RAB28: variants seen among roughly 807,000 people sequenced by gnomAD.
RAB28 encodes the protein RAB28, member RAS oncogene family, also known as ras-related protein Rab-28.
Under a neutral mutation model 31.7 loss-of-function variants are expected in RAB28, and 24 were observed. The ratio of observed to expected loss-of-function variants is 0.76; its 90% CI spans 0.55 to 1.06. The LOEUF (loss-of-function observed/expected upper bound fraction) is 1.06, where lower values mean the gene tolerates loss of function less well. Ranked by LOEUF, RAB28 falls within the 50% of genes least tolerant of loss-of-function variation. The probability of loss-of-function intolerance (pLI) is 0.00; values close to 1 mark genes in which losing one functional copy is unlikely to be tolerated. For missense variants in RAB28, 254 were observed against 258.5 expected, an observed-to-expected ratio of 0.98 and a Z score of 0.12; for synonymous variants, 100 against 90.4, an observed-to-expected ratio of 1.11 and a Z score of -0.60.
At chr4:13,387,224 A>G (rs749515463) in intron 4 of RAB28, among the ~76,000 whole-genome samples, 10 of 152,110 alleles carry the variant, frequency 6.6e-5, no homozygotes. Flanking sequence ...ACAAACCTGC[A>G]TATGTATCCA....
At chr4:13,483,828 C>T (rs1287446150) in intron 1 of RAB28, among the ~76,000 whole-genome samples, 1 of 152,240 alleles carries the variant, frequency 6.6e-6, no homozygotes, top group African/African-American at 2.4e-5. Context: ...TGGCCCGAGT[C>T]TTGCAGGAGT....
intron 4 of RAB28, among the ~76,000 whole-genome samples, chr4:13,399,988 T>A (rs891858213): frequency 1.3e-5 from 2 of 152,204 alleles, no homozygotes; most frequent in African/African-American, 4.8e-5. Flanking sequence ...ATTTTTTTAT[T>A]CTGTAAAGTT....
chr4:13,393,665 A>G (rs923348906), intron 4 of RAB28, among the ~76,000 whole-genome samples: 4 of 151,884 alleles, frequency 2.6e-5, no homozygotes, highest in African/African-American at 7.3e-5. Context: ...TCTGATTATG[A>G]CATTTTCTTC....
chr4:13,423,038 T>C (rs770590592), intron 4 of RAB28, among the ~76,000 whole-genome samples: 13 of 152,194 alleles, frequency 8.5e-5, no homozygotes, highest in Non-Finnish European at 1.3e-4. Flanking sequence ...AAGTATAGTG[T>C]CTGCGACTTA....
At chr4:13,475,801 T>A (rs1016047648) in intron 2 of RAB28, among the ~76,000 whole-genome samples, 1 of 151,582 alleles carries the variant, frequency 6.6e-6, no homozygotes, top group Non-Finnish European at 1.5e-5. Context: ...CAAAAACTTG[T>A]ACAAATCGAA....
chr4:13,401,106 G>GT (rs978728684), intron 4 of RAB28, among the ~76,000 whole-genome samples: 7 of 151,940 alleles, frequency 4.6e-5, no homozygotes, highest in Admixed American at 3.3e-4. Context: ...AACACCTTTG[G>GT]TTTTCTGGAA....
At chr4:13,425,279 T>TTTTC (rs1713409103) in intron 4 of RAB28, among the ~76,000 whole-genome samples, 3 of 152,208 alleles carry the variant, frequency 2.0e-5, no homozygotes, top group African/African-American at 7.2e-5. Flanking sequence ...ATGTAGTACT[T>TTTTC]TTAAGAAACT....
intron 4 of RAB28, among the ~76,000 whole-genome samples, chr4:13,454,444 G>A (rs1715179948): frequency 6.6e-6 from 1 of 152,078 alleles, no homozygotes; most frequent in Non-Finnish European, 1.5e-5. Context: ...TATGCATCTG[G>A]TAGAAGAGTC....
At chr4:13,391,419 C>G (rs1028611557) in intron 4 of RAB28, among the ~76,000 whole-genome samples, 1 of 152,018 alleles carries the variant, frequency 6.6e-6, no homozygotes, top group Non-Finnish European at 1.5e-5. Context: ...ATGCTGGAGA[C>G]AATGTGGAGA....
intron 4 of RAB28, among the ~76,000 whole-genome samples, chr4:13,441,033 G>A (rs1199444908): frequency 6.6e-6 from 1 of 151,912 alleles, no homozygotes; most frequent in African/African-American, 2.4e-5. Context: ...AAGTGGGAAG[G>A]AAGGAAAAAA....
chr4:13,367,901 C>T lies in RAB28; in HGVS notation c.*657G>A. 1 of 983,500 alleles carries T rather than the reference C, an allele frequency of 1.0e-6. No homozygotes were observed. The highest frequency in any genetic ancestry group is 1.2e-6 in the Non-Finnish European group (1 of 828,368). The allele number at this position is 983,500 out of a possible 1,614,324, so 60.9% of individuals were successfully genotyped here. A position where few individuals can be genotyped will look rare whatever the true frequency, so the allele number is the denominator to read the frequency against. On this transcript the variant is annotated 3_prime_UTR_variant, in exon 7 of 7. Transcript: ENST00000330852. ...AAAGCCTTCAAACCTGAGTATTACA[C>T]AATACATAACGACAACGATACAGTA...
At chr4:13,424,075 C>T (rs16888647) in intron 4 of RAB28, among the ~76,000 whole-genome samples, 2,434 of 152,206 alleles carry the variant, frequency 0.016, 71 homozygotes, top group African/African-American at 0.055. Flanking sequence ...GTCAAGGAAG[C>T]TTACTATTAT....
At chr4:13,383,779 G>C (rs1034584392) in intron 4 of RAB28, among the ~76,000 whole-genome samples, 2 of 152,178 alleles carry the variant, frequency 1.3e-5, no homozygotes, top group Non-Finnish European at 2.9e-5. Flanking sequence ...ATGCCATCTT[G>C]CCTGACGCCA....
intron 3 of RAB28, among the ~76,000 whole-genome samples, chr4:13,473,660 C>A (rs1716216278): frequency 6.6e-6 from 1 of 151,726 alleles, no homozygotes; most frequent in African/African-American, 2.4e-5. Context: ...TATTTAAAAT[C>A]TTATAAATTA....
intron 4 of RAB28, among the ~76,000 whole-genome samples, chr4:13,392,197 T>C (rs1297858026): frequency 6.6e-6 from 1 of 152,310 alleles, no homozygotes; most frequent in South Asian, 2.1e-4. Flanking sequence ...TCAGAATTTA[T>C]TCACTTGGAT....
At chr4:13,393,177 G>A (rs185786339) in intron 4 of RAB28, among the ~76,000 whole-genome samples, 28 of 152,340 alleles carry the variant, frequency 1.8e-4, no homozygotes, top group Non-Finnish European at 2.9e-4. Flanking sequence ...GGAGTACAGA[G>A]ACAGGAAACT....
chr4:13,427,191 A>C (rs115898936), intron 4 of RAB28, among the ~76,000 whole-genome samples: 261 of 152,310 alleles, frequency 1.7e-3, no homozygotes, highest in African/African-American at 5.9e-3. Flanking sequence ...GGGTAGGTGA[A>C]ATCTATATTG....
At chr4:13,424,559 T>C (rs185834405) in intron 4 of RAB28, among the ~76,000 whole-genome samples, 2 of 152,316 alleles carry the variant, frequency 1.3e-5, no homozygotes, top group Admixed American at 6.5e-5. Context: ...CAGGTACTAG[T>C]GGCTAGGACT....
intron 4 of RAB28, among the ~76,000 whole-genome samples, chr4:13,443,237 G>A (rs994750172): frequency 8.6e-5 from 13 of 151,494 alleles, no homozygotes; most frequent in Admixed American, 7.2e-4. Context: ...GCAGTGGCAC[G>A]ATCTCGGCTC....
Sources: gnomAD v4.1 joint callset for allele counts (sites outside exome capture counted in the v4.1 genomes callset) on GRCh38, gnomAD v4.1.1 for gene constraint, MANE v1.5 for transcripts, NCBI Gene and HGNC (gene_info 2026-07-23, HGNC 2026-07-21) for gene names.